The following CHM variants were observed in gnomAD, a reference collection of about 807,000 sequenced individuals.
The protein encoded by CHM is CHM Rab escort protein.
CHM carries 10 observed loss-of-function variants against 49.0 expected under a neutral mutation model. That is an observed-to-expected ratio of 0.20 (90% confidence interval 0.13 to 0.35). The LOEUF is 0.35. Ranked by LOEUF, CHM falls within the 10% of genes least tolerant of loss-of-function variation. CHM has a pLI of 1.00. For synonymous variants in CHM, 184 were observed against 167.5 expected (o/e 1.10, Z -0.76); for missense variants, 455 against 478.4 (o/e 0.95, Z 0.46).
chrX:86,045,058 C>T (rs980215519), intron 1 of CHM, among the ~76,000 whole-genome samples: 2 of 111,867 alleles, frequency 1.8e-5, no homozygotes, highest in African/African-American at 6.5e-5. Flanking sequence ...TATTATCTTC[C>T]ATGATTATAC....
At chrX:85,996,484 G>A (rs1365801993) in intron 2 of CHM, among the ~76,000 whole-genome samples, 2 of 111,619 alleles carry the variant, frequency 1.8e-5, no homozygotes, top group Non-Finnish European at 3.8e-5. Flanking sequence ...GATTACGGAG[G>A]AAAATAATGC....
chrX:86,029,536 A>T (rs759660769), intron 1 of CHM, among the ~76,000 whole-genome samples: 3 of 111,836 alleles, frequency 2.7e-5, no homozygotes, highest in Non-Finnish European at 5.6e-5. Context: ...ACATCATCTT[A>T]TTTATTCCTC....
chrX:86,036,150 C>T (rs1934236337), intron 1 of CHM, among the ~76,000 whole-genome samples: 1 of 110,781 alleles, frequency 9.0e-6, no homozygotes, highest in Non-Finnish European at 1.9e-5. Context: ...GACCACAGCC[C>T]GTGACACAGC....
chrX:85,913,684 T>C (rs1043515369), intron 8 of CHM, among the ~76,000 whole-genome samples: 17 of 110,959 alleles, frequency 1.5e-4, no homozygotes, highest in Admixed American at 1.3e-3. Context: ...AAGTTTGTTA[T>C]GGCACCAATA....
In CHM at chrX:85,960,380, G is replaced by A. The variant is rs887692343; in HGVS notation, c.703-1403C>T. Among the ~76,000 whole-genome samples, 4 of 110,483 alleles carry A rather than the reference G, an allele frequency of 3.6e-5. No homozygotes were observed. The Admixed American group carries it at 3.9e-4, about 11-fold the overall frequency. The stretch of plus-strand genomic sequence containing the variant: ...AAAATTATACTAGATTTTTGTTTCT[G>A]AAGCTCACAAATAATAAATGTGTAC... On this transcript the variant is annotated intron_variant, in intron 5 of 14. Coordinates refer to ENST00000357749, the MANE Select transcript of CHM (RefSeq NM_000390.4).
intron 3 of CHM, among the ~76,000 whole-genome samples, chrX:85,979,357 A>G (rs73506452): frequency 0.042 from 4,624 of 111,279 alleles, 247 homozygotes; most frequent in African/African-American, 0.14. Flanking sequence ...GTCGCTAGTC[A>G]TATCAAATTT....
At chrX:85,898,369 C>G (rs770217032) in intron 11 of CHM, among the ~76,000 whole-genome samples, 1 of 111,755 alleles carries the variant, frequency 8.9e-6, no homozygotes, top group East Asian at 2.8e-4. Flanking sequence ...AACATTTTTG[C>G]CTGTTCTCTG....
At chrX:86,018,523 TC>T (rs941301166) in intron 2 of CHM, among the ~76,000 whole-genome samples, 7 of 111,928 alleles carry the variant, frequency 6.3e-5, no homozygotes, top group Non-Finnish European at 1.1e-4. Context: ...GCAATTGTAC[TC>T]CTAGAAATTT....
intron 8 of CHM, among the ~76,000 whole-genome samples, chrX:85,939,057 C>A (rs1055419762): frequency 8.9e-6 from 1 of 111,957 alleles, no homozygotes; most frequent in Non-Finnish European, 1.9e-5. Flanking sequence ...ACACAATTGC[C>A]TACAGTATTC....
intron 12 of CHM, among the ~76,000 whole-genome samples, chrX:85,888,413 G>A (rs935533321): frequency 8.9e-6 from 1 of 112,432 alleles, no homozygotes; most frequent in African/African-American, 3.2e-5. Context: ...TTTATAAACT[G>A]CCATTGGATG....
chrX:86,008,560 CATTA>C (rs1160313650), intron 2 of CHM, among the ~76,000 whole-genome samples: 1 of 111,715 alleles, frequency 9.0e-6, no homozygotes, highest in Non-Finnish European at 1.9e-5. Flanking sequence ...AAATATGAAT[CATTA>C]TTTAATTATT....
chrX:85,981,204 T>TTATATATATATATATA (rs1193461119), intron 3 of CHM, among the ~76,000 whole-genome samples: 2 of 50,729 alleles, frequency 3.9e-5, no homozygotes, highest in African/African-American at 1.4e-4. Flanking sequence ...ACATTTCTAT[T>TTATATATATATATATA]TCTATATATA....
chrX:85,981,659 A>T, intron 3 of CHM, 78 bp downstream of exon 3: 1 of 683,565 alleles, frequency 1.5e-6, no homozygotes. Flanking sequence ...GGTGAAGCTT[A>T]GGGTTTTCTT....
chrX:85,908,361 G>A (rs1926730251), intron 9 of CHM, among the ~76,000 whole-genome samples: 1 of 111,644 alleles, frequency 9.0e-6, no homozygotes, highest in South Asian at 3.7e-4. Flanking sequence ...AGCTGTGTTT[G>A]GTAAAGATAC....
intron 2 of CHM, among the ~76,000 whole-genome samples, chrX:86,003,805 T>C (rs1932795582): frequency 8.9e-6 from 1 of 111,902 alleles, no homozygotes. Flanking sequence ...CTGAAAGTGA[T>C]GGGGAGAATG....
intron 1 of CHM, among the ~76,000 whole-genome samples, chrX:86,028,043 G>A (rs767885359): frequency 8.9e-6 from 1 of 112,225 alleles, no homozygotes; most frequent in South Asian, 3.7e-4. Context: ...TTATAGGCGT[G>A]AGCCACTGTG....
rs529601753 is a variant in CHM, at chrX:85,887,945, A to G, written c.1510+6243T>C. On this transcript the variant is annotated intron_variant, in intron 12 of 14. Coordinates refer to ENST00000357749, the MANE Select transcript of CHM (RefSeq NM_000390.4). ...TTAAAGGCATCCGGTTTTGAAAGGG[A>G]AACAGTGCATAAAAGTTTGGAAAAT... 1.9e-4 allele frequency among the ~76,000 whole-genome samples: 21 copies of G among 112,087 alleles called. No individual in the cohort carries two copies. The South Asian group carries it at 5.6e-3, about 30-fold the overall frequency.
chrX:85,915,936 C>CA (rs992354418), intron 8 of CHM, among the ~76,000 whole-genome samples: 27 of 111,539 alleles, frequency 2.4e-4, no homozygotes, highest in African/African-American at 3.9e-4. Flanking sequence ...CAAAGGACTA[C>CA]AAAAAAAACT....
chrX:85,933,961 C>G (rs756888413), intron 8 of CHM, among the ~76,000 whole-genome samples: 1 of 109,339 alleles, frequency 9.1e-6, no homozygotes, highest in African/African-American at 3.3e-5. Flanking sequence ...GAGTCATTTA[C>G]AAAATGGTTG....
Sources: gnomAD v4.1 joint callset for allele counts (sites outside exome capture counted in the v4.1 genomes callset) on GRCh38, gnomAD v4.1.1 for gene constraint, MANE v1.5 for transcripts, NCBI Gene and HGNC (gene_info 2026-07-23, HGNC 2026-07-21) for gene names.